Variants in PCLO observed in about 807,000 individuals in gnomAD.
PCLO encodes piccolo presynaptic cytomatrix protein, also known as protein piccolo.
A neutral mutation model predicts 427.5 loss-of-function variants in PCLO; 82 were observed. That is an observed-to-expected ratio of 0.19 (90% CI 0.16 to 0.23). The LOEUF is 0.23. Among genes scored for constraint, PCLO ranks in the 10% least tolerant of loss-of-function variants. The probability of loss-of-function intolerance (pLI) is 1.00; values close to 1 mark genes in which losing one functional copy is unlikely to be tolerated. For synonymous variants in PCLO, 2,357 were observed against 2,155.4 expected (o/e 1.09, Z -2.59); for missense variants, 6,239 against 6,115.9 (o/e 1.02, Z -0.67).
In PCLO at chr7:82,966,381, G is replaced by A. The variant is rs1416443251; in HGVS notation, c.3407C>T (p.Pro1136Leu). The change falls in exon 4 of 25, where the codon CCT (proline) becomes CTT (leucine). Residue 1136 changes from proline to leucine, a missense_variant. Transcript: ENST00000333891. The stretch of plus-strand genomic sequence containing the variant: ...TGATGATTCTGTAGGAACAGGCATA[G>A]GAGATGCTTTGGGTCCTGATGGTGC... ...PPAPSGPKAS[P>L]MPVPTESSSQ... 21 of 1,613,686 alleles carry A rather than the reference G, an allele frequency of 1.3e-5. No homozygotes were observed. Among genetic ancestry groups the A allele is most frequent in the Non-Finnish European group, 1.8e-5 (21 of 1,179,782 alleles).
At chr7:82,773,724 CT>C (rs573681309) in intron 22 of PCLO, among the ~76,000 whole-genome samples, 71 of 147,170 alleles carry the variant, frequency 4.8e-4, no homozygotes, top group East Asian at 2.4e-3. Flanking sequence ...TTGTGCTATT[CT>C]TTTTTTTTTT....
chr7:83,155,003 T>C lies in PCLO; in HGVS notation c.1638A>G (p.Pro546=). Residue 546 remains proline, a synonymous_variant, in exon 2 of 25, where the codon CCA becomes CCG. Transcript: ENST00000333891. ...TAGATTGCTGAGCCGAGGGCTTTGCTGGGCTAGGCTGTTGAGCTGAGGGTT... is the reference window on the plus strand; with the variant it reads ...TAGATTGCTGAGCCGAGGGCTTTGCCGGGCTAGGCTGTTGAGCTGAGGGTT... The part of the protein sequence containing the change: ...SAKPSAQQPS[P]AKPSAQQSTK... The C allele has an allele frequency of 1.2e-6, 2 of 1,613,992 alleles. No individual in the cohort carries two copies. The highest frequency in any genetic ancestry group is 1.7e-4 in the Middle Eastern group (1 of 6,060).
rs961340237 is a variant in PCLO at position 82,756,521 on chromosome 7, A to G, written c.*2054T>C. The G allele has an allele frequency of 1.5e-5, 2 of 137,382 alleles. No homozygotes were observed. The highest frequency in any genetic ancestry group is 1.5e-4 in the Admixed American group (2 of 12,946). 8.5% of individuals were successfully genotyped at this position (137,382 alleles called of 1,614,324 possible). On this transcript the variant is annotated 3_prime_UTR_variant, in exon 25 of 25. Transcript: ENST00000333891. ...TCTTTCTCAGTTTGGGGAAGATCGA[A>G]TTTGTATTCTGAAGTCATATATATA...
intron 10 of PCLO, among the ~76,000 whole-genome samples, chr7:82,856,090 G>A (rs1275201647): frequency 6.6e-6 from 1 of 152,018 alleles, no homozygotes; most frequent in African/African-American, 2.4e-5. Flanking sequence ...TAGTGGCGTG[G>A]ACTGATGTAC....
At chr7:82,921,035 A>G (rs1327114701) in intron 6 of PCLO, among the ~76,000 whole-genome samples, 1 of 151,840 alleles carries the variant, frequency 6.6e-6, no homozygotes, top group African/African-American at 2.4e-5. Flanking sequence ...GATGCTAAAG[A>G]CATAGATACA....
Position 83,162,697 on chromosome 7 carries a change from T to A in PCLO, c.-105A>T, listed in dbSNP as rs1354590170. ...CAGAGCCGGGGTCCGCCTCGGGGCG[T>A]GCAGGCAGCCGAGTCCCTGGACTCT... is the stretch of plus-strand genomic sequence containing the variant. On this transcript the variant is annotated 5_prime_UTR_variant, in exon 1 of 25. Transcript: ENST00000333891. 7.2e-6 allele frequency: 10 copies of A among 1,392,732 alleles called. No homozygotes were observed. Among genetic ancestry groups the A allele is most frequent in the Middle Eastern group, 2.6e-4 (1 of 3,836 alleles). The allele number at this position is 1,392,732 out of a possible 1,614,324, so 86.3% of individuals were successfully genotyped here.
At chr7:83,096,809 TATATA>T (rs1351853234) in intron 3 of PCLO, among the ~76,000 whole-genome samples, 11 of 57,612 alleles carry the variant, frequency 1.9e-4, no homozygotes, top group Admixed American at 7.7e-4. Context: ...ATATTAATAT[TATATA>T]ATATAAATAT....
chr7:83,113,000 C>G (rs917529006), intron 3 of PCLO, among the ~76,000 whole-genome samples: 6 of 152,170 alleles, frequency 3.9e-5, no homozygotes, highest in African/African-American at 1.4e-4. Flanking sequence ...TAATTTTTAT[C>G]TTGACTCTTT....
Position 83,155,779 on chromosome 7 carries a change from T to A in PCLO, c.862A>T (p.Ile288Leu), listed in dbSNP as rs778759058. ...GGTTTAACTGATTCTCCCCTTACTATGTCTGCCTGTTTAGTCTGAGGCCTG... is the reference window on the plus strand; with the variant it reads ...GGTTTAACTGATTCTCCCCTTACTAAGTCTGCCTGTTTAGTCTGAGGCCTG... ...ASRPQTKQAD[I>L]VRGESVKPSL... Residue 288 changes from isoleucine to leucine, a missense_variant, in exon 2 of 25, where the codon ATA (isoleucine) becomes TTA (leucine). Transcript: ENST00000333891. 6.2e-7 allele frequency: 1 copy of A among 1,613,852 alleles called. No individual in the cohort carries two copies. The highest frequency in any genetic ancestry group is 1.7e-5 in the Admixed American group (1 of 60,004).
intron 3 of PCLO, among the ~76,000 whole-genome samples, chr7:83,038,037 A>ATATTTC (rs1313000516): frequency 3.0e-5 from 1 of 33,836 alleles, no homozygotes; most frequent in Non-Finnish European, 4.8e-5. Flanking sequence ...ATATTTATAT[A>ATATTTC]TTTATATATA....
intron 6 of PCLO, among the ~76,000 whole-genome samples, chr7:82,919,735 G>A (rs894300503): frequency 5.3e-5 from 8 of 151,852 alleles, no homozygotes; most frequent in Admixed American, 2.6e-4. Context: ...CTTTATTAGC[G>A]TTTTCTGCCA....
At chr7:82,936,024 T>C (rs1038101177) in intron 6 of PCLO, among the ~76,000 whole-genome samples, 8 of 151,686 alleles carry the variant, frequency 5.3e-5, no homozygotes, top group African/African-American at 9.7e-5. Context: ...AACATCTAAA[T>C]GAAGATCCAC....
chr7:83,022,181 A>G (rs1788361386), intron 3 of PCLO, among the ~76,000 whole-genome samples: 2 of 152,078 alleles, frequency 1.3e-5, no homozygotes, highest in Admixed American at 1.3e-4. Flanking sequence ...CCCCCATGAA[A>G]GGACACATAG....
intron 3 of PCLO, among the ~76,000 whole-genome samples, chr7:83,089,618 T>C (rs1790327675): frequency 6.6e-6 from 1 of 152,184 alleles, no homozygotes; most frequent in African/African-American, 2.4e-5. Context: ...TTTATCAAAC[T>C]TCCCACTCAA....
intron 2 of PCLO, among the ~76,000 whole-genome samples, chr7:83,139,068 T>C (rs964978367): frequency 6.6e-6 from 1 of 152,158 alleles, no homozygotes; most frequent in Non-Finnish European, 1.5e-5. Flanking sequence ...GCGGAAAATA[T>C]AGATGGCGGA....
At chr7:83,151,977 T>G (rs901926157) in intron 2 of PCLO, among the ~76,000 whole-genome samples, 1 of 152,002 alleles carries the variant, frequency 6.6e-6, no homozygotes, top group Admixed American at 6.6e-5. Flanking sequence ...TTTTTTTTTT[T>G]GAGACAGAGT....
At chr7:83,097,527 T>A (rs55846537) in intron 3 of PCLO, among the ~76,000 whole-genome samples, 59,120 of 139,100 alleles carry the variant, frequency 0.43, 12,501 homozygotes, top group East Asian at 0.7. Context: ...GTCTCAAAAA[T>A]ATATATATAT....
At chr7:82,797,241 A>C (rs1039654214) in intron 22 of PCLO, among the ~76,000 whole-genome samples, 3 of 152,190 alleles carry the variant, frequency 2.0e-5, no homozygotes, top group Non-Finnish European at 4.4e-5. Flanking sequence ...TACAGCCAAG[A>C]AAATTAAGCT....
At chr7:82,817,704 T>A (rs1285034715) in intron 20 of PCLO, among the ~76,000 whole-genome samples, 1 of 152,142 alleles carries the variant, frequency 6.6e-6, no homozygotes, top group Non-Finnish European at 1.5e-5. Flanking sequence ...AGCATCAGGC[T>A]TTTCTCCTAC....
Sources: allele counts gnomAD v4.1 joint callset (sites outside exome capture counted in the v4.1 genomes callset), GRCh38; gene constraint gnomAD v4.1.1; transcripts MANE v1.5; gene names NCBI Gene and HGNC (gene_info 2026-07-23, HGNC 2026-07-21).